Variants in THAP4 observed in about 807,000 individuals in gnomAD.
THAP4 encodes the protein peroxynitrite isomerase THAP4.
A neutral mutation model predicts 48.1 loss-of-function variants in THAP4; 18 were observed. That is an observed-to-expected ratio of 0.37 (90% CI 0.26 to 0.56). THAP4 has a LOEUF of 0.56. THAP4 is among the 20% of genes least tolerant of loss of function. The probability of loss-of-function intolerance (pLI) is 0.78; values close to 1 mark genes in which losing one functional copy is unlikely to be tolerated. For missense variants in THAP4, 656 were observed against 774.9 expected (o/e 0.85, Z 1.82); for synonymous variants, 345 against 324.9 (o/e 1.06, Z -0.66).
intron 5 of THAP4, among the ~76,000 whole-genome samples, chr2:241,600,795 C>T (rs1043266305): frequency 6.6e-6 from 1 of 151,616 alleles, no homozygotes; most frequent in Admixed American, 6.6e-5. Context: ...CAACAACTTC[C>T]TTAGCAAGAA....
intron 2 of THAP4, among the ~76,000 whole-genome samples, chr2:241,632,712 G>A (rs2067581439): frequency 6.6e-6 from 1 of 152,208 alleles, no homozygotes; most frequent in Non-Finnish European, 1.5e-5. Context: ...ACACACAGAT[G>A]CCTCTTGTGG....
intron 2 of THAP4, among the ~76,000 whole-genome samples, chr2:241,622,366 CAAACA>C (rs2067438716): frequency 6.6e-6 from 1 of 151,832 alleles, no homozygotes; most frequent in Non-Finnish European, 1.5e-5. Flanking sequence ...GGCTCTGTCT[CAAACA>C]AAACAAAACA....
chr2:241,619,852 GGGTGAGTGAGGAGTC>G (rs2067396881), intron 2 of THAP4, among the ~76,000 whole-genome samples: 1 of 117,624 alleles, frequency 8.5e-6, no homozygotes, highest in Non-Finnish European at 1.8e-5. Flanking sequence ...GGTGAGTGAG[GGGTGAGTGAGGAGTC>G]GGTGAGTGAG....
chr2:241,590,451 G>A (rs2066948930), intron 5 of THAP4, among the ~76,000 whole-genome samples: 4 of 150,114 alleles, frequency 2.7e-5, no homozygotes, highest in African/African-American at 7.3e-5. Flanking sequence ...AGAGCTGCTC[G>A]GCTGATGATA....
chr2:241,635,363 C>T (rs1324504522), intron 1 of THAP4, among the ~76,000 whole-genome samples: 20 of 152,312 alleles, frequency 1.3e-4, no homozygotes, highest in Admixed American at 9.8e-4. Flanking sequence ...AAGCAACCAG[C>T]GCAGGAAGAT....
intron 2 of THAP4, among the ~76,000 whole-genome samples, chr2:241,627,134 C>T (rs1259966295): frequency 6.6e-6 from 1 of 152,174 alleles, no homozygotes; most frequent in East Asian, 1.9e-4. Context: ...TAACATCTTG[C>T]ATTAGTGTGG....
At chr2:241,627,002 TCTCCAAA>T (rs1488139415) in intron 2 of THAP4, among the ~76,000 whole-genome samples, 1 of 152,232 alleles carries the variant, frequency 6.6e-6, no homozygotes, top group African/African-American at 2.4e-5. Flanking sequence ...TGTCTGCACT[TCTCCAAA>T]CTCTTCAGCT....
intron 2 of THAP4, among the ~76,000 whole-genome samples, chr2:241,608,886 C>A (rs1387656847): frequency 6.6e-6 from 1 of 152,242 alleles, no homozygotes. Flanking sequence ...AGGGTCCCTG[C>A]AGCTACCCTG....
chr2:241,604,772 G>C (rs1279020739), intron 3 of THAP4, among the ~76,000 whole-genome samples: 1 of 151,906 alleles, frequency 6.6e-6, no homozygotes, highest in Non-Finnish European at 1.5e-5. Context: ...TGCCCAGGCT[G>C]GTCTTGGACT....
intron 5 of THAP4, among the ~76,000 whole-genome samples, chr2:241,598,229 G>A (rs1051920547): frequency 1.3e-5 from 2 of 152,206 alleles, no homozygotes; most frequent in Non-Finnish European, 2.9e-5. Flanking sequence ...ACGGAACAAA[G>A]TAAAAGCACA....
intron 2 of THAP4, among the ~76,000 whole-genome samples, chr2:241,613,390 C>T (rs1271319379): frequency 1.3e-5 from 2 of 152,136 alleles, no homozygotes; most frequent in Non-Finnish European, 2.9e-5. Context: ...GGGCAGAACT[C>T]CCCACTGGTC....
chr2:241,607,915 G>C (rs1207762269), intron 2 of THAP4, among the ~76,000 whole-genome samples: 1 of 126,790 alleles, frequency 7.9e-6, no homozygotes, highest in African/African-American at 3.1e-5. Flanking sequence ...ACGGGGACAG[G>C]ATCAGGACTG....
chr2:241,631,414 C>A (rs1303405620), intron 2 of THAP4, among the ~76,000 whole-genome samples: 1 of 152,164 alleles, frequency 6.6e-6, no homozygotes, highest in Non-Finnish European at 1.5e-5. Flanking sequence ...AAATACTTAA[C>A]AGTAAAATAT....
At position 241,584,671 on chromosome 2, in the gene THAP4, T is replaced by C. The variant is rs372293789; in HGVS notation, c.1669A>G (p.Met557Val). The C allele has an allele frequency of 6.8e-6, 11 of 1,614,134 alleles. No individual in the cohort carries two copies. Among genetic ancestry groups the C allele is most frequent in the African/African-American group, 1.3e-5 (1 of 74,942 alleles). The change falls in exon 6 of 6, where the codon ATG (methionine) becomes GTG (valine). Residue 557 changes from methionine (M) to valine (V), a missense_variant. Transcript: ENST00000407315. ...SEGKLEQTVSMATTTQPMTQH... is the reference protein window; with the variant it reads ...SEGKLEQTVSVATTTQPMTQH... ...GTCATTGGCTGTGTCGTGGTTGCCA[T>C]GGAGACCGTCTGCTCAAGTTTGCCT...
rs753178076 is a variant in THAP4 at position 241,634,101 on chromosome 2, G to A, written c.78-22C>T. ...GAACCTACAGGACAAATGACAAAAA[G>A]TAATTAGAAATAATTAAATGTCTCC... On this transcript the variant is annotated intron_variant, in intron 1 of 5. Coordinates refer to ENST00000407315, the MANE Select transcript of THAP4 (RefSeq NM_015963.6). The A allele has an allele frequency of 4.0e-6, 6 of 1,490,150 alleles. No individual in the cohort carries two copies. In the African/African-American group the frequency reaches 5.7e-5, roughly 14 times the overall value. 92.3% of individuals were successfully genotyped at this position (1,490,150 alleles called of 1,614,324 possible).
intron 2 of THAP4, among the ~76,000 whole-genome samples, chr2:241,624,982 T>A (rs2067479761): frequency 6.6e-6 from 1 of 152,194 alleles, no homozygotes; most frequent in African/African-American, 2.4e-5. Context: ...TATTTTTTTA[T>A]TATGTCACAG....
intron 2 of THAP4, among the ~76,000 whole-genome samples, chr2:241,621,434 G>A (rs2067428163): frequency 6.6e-6 from 1 of 152,062 alleles, no homozygotes; most frequent in Non-Finnish European, 1.5e-5. Flanking sequence ...AGAAAACATG[G>A]GCAATGTAAG....
intron 2 of THAP4, among the ~76,000 whole-genome samples, chr2:241,631,927 G>A (rs2067568407): frequency 7.0e-6 from 1 of 143,332 alleles, no homozygotes; most frequent in Non-Finnish European, 1.5e-5. Flanking sequence ...AGACAGAGTT[G>A]TGCTCTTTGT....
At chr2:241,594,291 A>C (rs909054086) in intron 5 of THAP4, among the ~76,000 whole-genome samples, 1 of 152,150 alleles carries the variant, frequency 6.6e-6, no homozygotes, top group African/African-American at 2.4e-5. Flanking sequence ...TTGGGGTATA[A>C]AAAATGTTCT....
Sources: gnomAD v4.1 joint callset for allele counts (sites outside exome capture counted in the v4.1 genomes callset) on GRCh38, gnomAD v4.1.1 for gene constraint, MANE v1.5 for transcripts, NCBI Gene and HGNC (gene_info 2026-07-23, HGNC 2026-07-21) for gene names.